Variants in LY6G5C observed in about 807,000 individuals in gnomAD.
The protein encoded by LY6G5C is lymphocyte antigen 6 complex locus protein G5c.
A neutral mutation model predicts 10.5 loss-of-function variants in LY6G5C; 6 were observed. The observed-to-expected ratio is 0.57, with a 90% CI of 0.31 to 1.12. The LOEUF (loss-of-function observed/expected upper bound fraction) is 1.12, where lower values mean the gene tolerates loss of function less well. Among genes scored for constraint, LY6G5C ranks in the 50% most tolerant of loss-of-function variants. The pLI is 0.05. For synonymous variants in LY6G5C, 69 were observed against 67.8 expected (o/e 1.02, Z -0.09); for missense variants, 160 against 185.5 (o/e 0.86, Z 0.80).
intron 2 of LY6G5C, among the ~76,000 whole-genome samples, chr6:31,677,690 T>C (rs1031628826): frequency 2.0e-5 from 3 of 152,136 alleles, no homozygotes; most frequent in African/African-American, 7.2e-5. Flanking sequence ...CAAACTGATA[T>C]CGGAACATTC....
chr6:31,680,104 G>A lies in LY6G5C; in HGVS notation c.121+149C>T. On this transcript the variant is annotated intron_variant, in intron 1 of 2. Transcript: ENST00000383237. This position sits in a 1 kb window ranked among gnomAD's most constrained non-coding sequence, Gnocchi z 4.5. ...CTTCAGATTGCACATCAGTCCATGA[G>A]CAGGCATTCCCTACCAAACCCATCT... 2 of 805,334 alleles carry A rather than the reference G, an allele frequency of 2.5e-6. No individual in the cohort carries two copies. The highest frequency in any genetic ancestry group is 4.2e-6 in the Non-Finnish European group (2 of 474,042). The allele number at this position is 805,334 out of a possible 1,614,324, so 49.9% of individuals were successfully genotyped here.
intron 2 of LY6G5C, among the ~76,000 whole-genome samples, chr6:31,677,541 T>C (rs904307771): frequency 6.6e-6 from 1 of 152,232 alleles, no homozygotes; most frequent in Non-Finnish European, 1.5e-5. Context: ...CAAGAAGTCA[T>C]GTTCAGGGAT....
Position 31,679,362 on chromosome 6 carries a change from C to T in LY6G5C, c.122-94G>A. 2.2e-6 allele frequency: 3 copies of T among 1,377,052 alleles called. No homozygotes were observed. The highest frequency in any genetic ancestry group is 2.1e-6 in the Non-Finnish European group (2 of 973,206). The allele number at this position is 1,377,052 out of a possible 1,614,324, so 85.3% of individuals were successfully genotyped here. The stretch of plus-strand genomic sequence containing the variant: ...CCAGGCCACTCAGCCCCACTCCTCC[C>T]TCCCTTCCTGTCTCAGAAAACCATC... On this transcript the variant is annotated intron_variant, in intron 1 of 2. Coordinates refer to ENST00000383237, the Ensembl canonical transcript of LY6G5C. This position sits in a 1 kb window ranked among gnomAD's most constrained non-coding sequence, Gnocchi z 4.4.
At position 31,677,041 on chromosome 6, in the gene LY6G5C, C is replaced by G. The variant is rs566970412; in HGVS notation, c.369G>C (p.Pro123=). The G allele has an allele frequency of 2.7e-5, 44 of 1,612,800 alleles. 1 individual carries two copies. The Admixed American group carries it at 7.0e-4, about 26-fold the overall frequency. The stretch of plus-strand genomic sequence containing the variant: ...GAGAGAATATCCAGAAGCCAGACAC[C>G]GGAGAAGTTCGGGTATTTGAACAAT... Residue 123 remains proline, a synonymous_variant, in exon 3 of 3, where the codon CCG becomes CCC. Transcript: ENST00000383237.
At chr6:31,677,856 A>C (rs919236457) in intron 2 of LY6G5C, among the ~76,000 whole-genome samples, 3 of 152,192 alleles carry the variant, frequency 2.0e-5, no homozygotes, top group African/African-American at 7.2e-5. Context: ...AAAGTAAAAA[A>C]AGTGGTCACA....
At chr6:31,677,214 AAAAG>A (rs1802630993) in intron 2 of LY6G5C, 94 bp from the exon 3 acceptor site, 14 of 1,307,126 alleles carry the variant, frequency 1.1e-5, no homozygotes, top group South Asian at 1.4e-5. Context: ...AAAAAAAAGA[AAAAG>A]AAAAGATTCC....
In LY6G5C at chr6:31,679,253, A is replaced by T; in HGVS notation, c.137T>A (p.Val46Asp). ...AAGTGGTTGAGGGGGTTCCCAATTG[A>T]CAGGAACAAACTTACCTAGAACACA... is the stretch of plus-strand genomic sequence containing the variant. Residue 46 changes from valine (V) to aspartate (D), a missense_variant, in exon 2 of 3, where the codon GTC (valine) becomes GAC (aspartate). Val to Asp is a radical substitution (Grantham distance 152). Transcript: ENST00000383237. The surrounding 1 kb of genome is among the most constrained non-coding windows in gnomAD (Gnocchi z 4.4). 1 of 1,612,992 alleles carries T rather than the reference A, an allele frequency of 6.2e-7. No homozygotes were observed. The highest frequency in any genetic ancestry group is 1.3e-5 in the African/African-American group (1 of 75,000).
chr6:31,680,064 T>A lies in LY6G5C; in HGVS notation c.121+189A>T. 1.7e-6 allele frequency: 1 copy of A among 581,364 alleles called. No homozygotes were observed. The highest frequency in any genetic ancestry group is 2.3e-5 in the South Asian group (1 of 44,006). 36.0% of individuals were successfully genotyped at this position (581,364 alleles called of 1,614,324 possible). On this transcript the variant is annotated intron_variant, in intron 1 of 2. Coordinates refer to ENST00000383237, the Ensembl canonical transcript of LY6G5C. This position sits in a 1 kb window ranked among gnomAD's most constrained non-coding sequence, Gnocchi z 4.5. ...TCCATCTCAAAAATAATAATAATAATAAATTTTTAAAAATCTTCAGATTGC... is the reference window on the plus strand; with the variant it reads ...TCCATCTCAAAAATAATAATAATAAAAAATTTTTAAAAATCTTCAGATTGC...
Position 31,680,096 on chromosome 6 carries a change from G to T in LY6G5C, c.121+157C>A. ...TTAAAAATCTTCAGATTGCACATCA[G>T]TCCATGAGCAGGCATTCCCTACCAA... is the stretch of plus-strand genomic sequence containing the variant. On this transcript the variant is annotated intron_variant, in intron 1 of 2. Coordinates refer to ENST00000383237, the Ensembl canonical transcript of LY6G5C. This position sits in a 1 kb window ranked among gnomAD's most constrained non-coding sequence, Gnocchi z 4.5. The T allele has an allele frequency of 1.3e-6, 1 of 757,584 alleles. No individual in the cohort carries two copies. Among genetic ancestry groups the T allele is most frequent in the Non-Finnish European group, 2.3e-6 (1 of 434,294 alleles). 46.9% of individuals were successfully genotyped at this position (757,584 alleles called of 1,614,324 possible).
At chr6:31,678,145 C>T (rs9267533) in intron 2 of LY6G5C, among the ~76,000 whole-genome samples, 15,132 of 152,102 alleles carry the variant, frequency 0.099, 904 homozygotes, top group African/African-American at 0.15. Context: ...CCTGCCTCAG[C>T]GGATTGCAAG....
intron 2 of LY6G5C, among the ~76,000 whole-genome samples, chr6:31,677,323 A>G (rs1802637769): frequency 6.6e-6 from 1 of 152,198 alleles, no homozygotes; most frequent in South Asian, 2.1e-4. Context: ...GCCATATGAA[A>G]TGTAATGGTT....
chr6:31,678,179 T>C (rs1390244703), intron 2 of LY6G5C, among the ~76,000 whole-genome samples: 1 of 152,164 alleles, frequency 6.6e-6, no homozygotes, highest in Non-Finnish European at 1.5e-5. Flanking sequence ...GCCTAGCACA[T>C]ATTATGTGTT....
rs951110140 is a variant in LY6G5C at position 31,680,034 on chromosome 6, G to A, written c.121+219C>T. ...TGCACTCCGGCCTGGGATACAGAGC[G>A]AGACTCCATCTCAAAAATAATAATA... is the stretch of plus-strand genomic sequence containing the variant. On this transcript the variant is annotated intron_variant, in intron 1 of 2. Coordinates refer to ENST00000383237, the Ensembl canonical transcript of LY6G5C. The surrounding 1 kb of genome is among the most constrained non-coding windows in gnomAD (Gnocchi z 4.5). The A allele has an allele frequency of 1.1e-5, 5 of 474,490 alleles. No individual in the cohort carries two copies. The highest frequency in any genetic ancestry group is 7.8e-5 in the East Asian group (2 of 25,650). 29.4% of individuals were successfully genotyped at this position (474,490 alleles called of 1,614,324 possible). A position where few individuals can be genotyped will look rare whatever the true frequency, so the allele number is the denominator to read the frequency against.
intron 2 of LY6G5C, among the ~76,000 whole-genome samples, chr6:31,677,770 A>C (rs1261309371): frequency 6.6e-6 from 1 of 152,174 alleles, no homozygotes; most frequent in Non-Finnish European, 1.5e-5. Context: ...GGGCGGGGGA[A>C]GAGGTGAAAA....
chr6:31,676,967 T>C (rs752549517), exon 3 of LY6G5C: 1 of 1,612,980 alleles, frequency 6.2e-7, no homozygotes, highest in Non-Finnish European at 8.5e-7. Flanking sequence ...CTAAGGAGTA[T>C]AGAGCCCTCT....
At position 31,680,182 on chromosome 6, in the gene LY6G5C, C is replaced by G. The variant is rs758641885; in HGVS notation, c.121+71G>C. ...ACCTGAGCATCCTGGACAGGTGTAC[C>G]CAGACACTTGGTGTCTGTGGGTTTC... On this transcript the variant is annotated intron_variant, in intron 1 of 2. Coordinates refer to ENST00000383237, the Ensembl canonical transcript of LY6G5C. The surrounding 1 kb of genome is among the most constrained non-coding windows in gnomAD (Gnocchi z 4.5). 3 of 1,582,704 alleles carry G rather than the reference C, an allele frequency of 1.9e-6. No individual in the cohort carries two copies. The highest frequency in any genetic ancestry group is 2.7e-5 in the African/African-American group (2 of 74,286).
intron 2 of LY6G5C, among the ~76,000 whole-genome samples, chr6:31,678,062 CTG>C (rs1460320120): frequency 1.3e-5 from 2 of 152,196 alleles, no homozygotes; most frequent in African/African-American, 4.8e-5. Context: ...GGCTCAGCAT[CTG>C]TGAGACTCAG....
upstream of LY6G5C, chr6:31,680,500 G>T: frequency 9.5e-7 from 1 of 1,051,908 alleles, no homozygotes; most frequent in Non-Finnish European, 1.3e-6. This position sits in a 1 kb window ranked among gnomAD's most constrained non-coding sequence, Gnocchi z 4.5. Flanking sequence ...CAGAATGTTC[G>T]CACCCACAGC....
At position 31,680,327 on chromosome 6, in the gene LY6G5C, A is replaced by G; in HGVS notation, c.47T>C (p.Leu16Pro). 2 of 1,610,110 alleles carry G rather than the reference A, an allele frequency of 1.2e-6. No individual in the cohort carries two copies. The highest frequency in any genetic ancestry group is 1.7e-6 in the Non-Finnish European group (2 of 1,179,746). The change falls in exon 1 of 3, where the codon CTG (leucine) becomes CCG (proline). Residue 16 changes from leucine (L) to proline (P), a missense_variant. By Grantham distance (98) the Leu-to-Pro change is moderately conservative. Coordinates refer to ENST00000383237, the Ensembl canonical transcript of LY6G5C. This position sits in a 1 kb window ranked among gnomAD's most constrained non-coding sequence, Gnocchi z 4.5. ...GGCTTGGGGGCTGCTGTGGAAGCAC[A>G]GGGGACCCAGACTCTGGCTCCCTGC...
Sources: gnomAD v4.1 joint callset for allele counts (sites outside exome capture counted in the v4.1 genomes callset) on GRCh38, gnomAD v4.1.1 for gene constraint, Gnocchi (gnomAD v3.1) non-coding constraint, MANE v1.5 for transcripts, NCBI Gene and HGNC (gene_info 2026-07-23, HGNC 2026-07-21) for gene names.